The following CA10 variants were observed in gnomAD, a reference collection of about 807,000 sequenced individuals.
CA10 encodes the protein carbonic anhydrase 10 (inactive).
A neutral mutation model predicts 44.2 loss-of-function variants in CA10; 14 were observed. That is an observed-to-expected ratio of 0.32 (90% CI 0.21 to 0.50). The LOEUF (loss-of-function observed/expected upper bound fraction) is 0.50. Among genes scored for constraint, CA10 ranks in the 20% least tolerant of loss-of-function variants. The pLI is 0.99. For missense variants in CA10, 350 were observed against 409.7 expected (o/e 0.85, Z 1.26); for synonymous variants, 159 against 141.6 (o/e 1.12, Z -0.87).
At chr17:51,769,340 G>A (rs944899850) in intron 3 of CA10, among the ~76,000 whole-genome samples, 8 of 152,066 alleles carry the variant, frequency 5.3e-5, no homozygotes, top group African/African-American at 1.9e-4. Context: ...ATAATACAAA[G>A]ATAAAAGAGA....
chr17:51,969,438 A>G (rs1472616377), intron 2 of CA10, among the ~76,000 whole-genome samples: 2 of 152,028 alleles, frequency 1.3e-5, no homozygotes, highest in Non-Finnish European at 2.9e-5. Context: ...TGCCCTTTCT[A>G]TTACTACTAC....
At chr17:51,717,758 C>T (rs60134784) in intron 4 of CA10, among the ~76,000 whole-genome samples, 3,148 of 18,168 alleles carry the variant, frequency 0.17, 781 homozygotes, top group East Asian at 0.24. Flanking sequence ...TGTATATATA[C>T]GTATATATGT....
At chr17:51,956,629 C>G (rs1209906363) in intron 2 of CA10, among the ~76,000 whole-genome samples, 1 of 152,130 alleles carries the variant, frequency 6.6e-6, no homozygotes, top group African/African-American at 2.4e-5. Flanking sequence ...GGAAGTGGAT[C>G]TGGATTGATC....
chr17:51,753,925 C>T (rs370502040), intron 3 of CA10, among the ~76,000 whole-genome samples: 33 of 152,196 alleles, frequency 2.2e-4, no homozygotes, highest in African/African-American at 7.7e-4. Flanking sequence ...CTCACTGCAA[C>T]CTCCACCTCC....
At chr17:52,109,332 C>A (rs961094977) in intron 1 of CA10, among the ~76,000 whole-genome samples, 1 of 152,188 alleles carries the variant, frequency 6.6e-6, no homozygotes, top group Non-Finnish European at 1.5e-5. Flanking sequence ...TGTGTATCTT[C>A]TTTTCCGAAG....
At chr17:51,997,560 G>A (rs918407928) in intron 2 of CA10, among the ~76,000 whole-genome samples, 1 of 151,952 alleles carries the variant, frequency 6.6e-6, no homozygotes, top group African/African-American at 2.4e-5. Context: ...AGACAAAGAA[G>A]GAAAAAAGTA....
chr17:51,891,475 GA>G (rs1175553496), intron 3 of CA10, among the ~76,000 whole-genome samples: 1 of 152,200 alleles, frequency 6.6e-6, no homozygotes, highest in African/African-American at 2.4e-5. Flanking sequence ...ATGAATAATA[GA>G]GTTTGTGAAT....
chr17:51,869,473 C>A (rs1979708269), intron 3 of CA10, among the ~76,000 whole-genome samples: 1 of 152,188 alleles, frequency 6.6e-6, no homozygotes, highest in African/African-American at 2.4e-5. Context: ...ATGGGATCAC[C>A]AGGAAACAAC....
At chr17:51,650,323 G>A (rs920746795) in intron 5 of CA10, among the ~76,000 whole-genome samples, 2 of 152,122 alleles carry the variant, frequency 1.3e-5, no homozygotes, top group African/African-American at 4.8e-5. Context: ...GTGGCTAATC[G>A]GATGTTGTGA....
rs1978797404 is a variant in CA10 at position 51,851,604 on chromosome 17, G to A, written c.279+79386C>T. Reference sequence around the variant, plus strand: ...TTTACTATTTTTAAAATTCTGTATTGAAGCAACTTATTTTAGGGTCTTTTC... The same window carrying A: ...TTTACTATTTTTAAAATTCTGTATTAAAGCAACTTATTTTAGGGTCTTTTC... On this transcript the variant is annotated intron_variant, in intron 3 of 8. Transcript: ENST00000451037. 2.0e-5 allele frequency among the ~76,000 whole-genome samples: 3 copies of A among 152,142 alleles called. No individual in the cohort carries two copies. The East Asian group carries it at 5.8e-4, about 29-fold the overall frequency.
chr17:52,076,818 T>C (rs1044070635), intron 1 of CA10, among the ~76,000 whole-genome samples: 2 of 152,160 alleles, frequency 1.3e-5, no homozygotes, highest in African/African-American at 4.8e-5. Flanking sequence ...TTACATGTGA[T>C]TTGAAGTGAG....
chr17:51,878,670 TACTC>T (rs1449070238), intron 3 of CA10, among the ~76,000 whole-genome samples: 10 of 151,624 alleles, frequency 6.6e-5, no homozygotes, highest in African/African-American at 2.2e-4. Context: ...TCATTTTAAT[TACTC>T]AATCAGATTA....
intron 4 of CA10, among the ~76,000 whole-genome samples, chr17:51,714,011 T>C (rs1197855551): frequency 6.6e-6 from 1 of 152,200 alleles, no homozygotes; most frequent in Admixed American, 6.5e-5. Context: ...CCGTTTCTTA[T>C]AGTCAAAGAA....
At chr17:52,013,363 AAC>A (rs1985868926) in intron 2 of CA10, among the ~76,000 whole-genome samples, 1 of 151,956 alleles carries the variant, frequency 6.6e-6, no homozygotes, top group Admixed American at 6.6e-5. Flanking sequence ...ATAATGAAAG[AAC>A]AAGACCTCCT....
chr17:51,821,259 T>TA (rs1384622900), intron 3 of CA10, among the ~76,000 whole-genome samples: 5 of 151,222 alleles, frequency 3.3e-5, no homozygotes, highest in Non-Finnish European at 7.4e-5. Context: ...AGCCCACAGT[T>TA]AAAAAGGAAA....
chr17:51,987,781 AAAATACATG>A, intron 2 of CA10, among the ~76,000 whole-genome samples: 1 of 152,172 alleles, frequency 6.6e-6, no homozygotes, highest in South Asian at 2.1e-4. Context: ...GGGTACAGTA[AAAATACATG>A]AAAATTAAAA....
At chr17:51,638,357 C>G (rs1567783979) in intron 6 of CA10, among the ~76,000 whole-genome samples, 1 of 152,186 alleles carries the variant, frequency 6.6e-6, no homozygotes, top group East Asian at 1.9e-4. Context: ...GGAGACCAAC[C>G]CTAGGAGGAA....
chr17:51,952,763 C>T (rs932087361), intron 2 of CA10, among the ~76,000 whole-genome samples: 3 of 152,114 alleles, frequency 2.0e-5, no homozygotes, highest in African/African-American at 4.8e-5. Flanking sequence ...ACTCAGAGCA[C>T]GAGGCACAAG....
chr17:51,669,483 T>C (rs1277924726), intron 4 of CA10, among the ~76,000 whole-genome samples: 1 of 152,146 alleles, frequency 6.6e-6, no homozygotes, highest in African/African-American at 2.4e-5. Flanking sequence ...CCCTCTCGGG[T>C]CCCCTTCCAC....
Sources: gnomAD v4.1 joint callset for allele counts (sites outside exome capture counted in the v4.1 genomes callset) on GRCh38, gnomAD v4.1.1 for gene constraint, MANE v1.5 for transcripts, NCBI Gene and HGNC (gene_info 2026-07-23, HGNC 2026-07-21) for gene names.